BBS4: variants seen among roughly 807,000 people sequenced by gnomAD.
The protein encoded by BBS4 is Bardet-Biedl syndrome 4, also known as BBSome complex member BBS4.
Under a neutral mutation model 71.4 loss-of-function variants are expected in BBS4, and 58 were observed. The ratio of observed to expected loss-of-function variants is 0.81; its 90% confidence interval spans 0.66 to 1.01. The LOEUF (loss-of-function observed/expected upper bound fraction) is 1.01, where lower values mean the gene tolerates loss of function less well. Among genes scored for constraint, BBS4 ranks in the 50% least tolerant of loss-of-function variants. The pLI is 0.00. For synonymous variants in BBS4, 228 were observed against 216.8 expected, an observed-to-expected ratio of 1.05 and a Z score of -0.46; for missense variants, 660 against 607.9, an observed-to-expected ratio of 1.09 and a Z score of -0.90.
chr15:72,736,606 T>G (rs2065929169), intron 14 of BBS4, among the ~76,000 whole-genome samples, 156 bp from the exon 15 acceptor site: 1 of 152,232 alleles, frequency 6.6e-6, no homozygotes. Context: ...AAAGGCAATC[T>G]GTAATCTCTA....
chr15:72,719,545 A>G (rs2065528195), intron 6 of BBS4, among the ~76,000 whole-genome samples: 1 of 151,070 alleles, frequency 6.6e-6, no homozygotes, highest in Non-Finnish European at 1.5e-5. Flanking sequence ...TCAAAAAGCA[A>G]TTTTGAAGGA....
intron 15 of BBS4, 175 bp downstream of exon 15, chr15:72,737,138 C>T (rs1257788240): frequency 3.6e-5 from 28 of 771,860 alleles, no homozygotes; most frequent in East Asian, 5.3e-5. Context: ...TTCCTTAAGG[C>T]GAGCTATGTA....
intron 2 of BBS4, chr15:72,698,068 T>A (rs1028237924): frequency 1.8e-5 from 8 of 455,670 alleles, no homozygotes; most frequent in African/African-American, 1.6e-4. Context: ...CTTGAGTCTA[T>A]TTTCTTCCTT....
intron 2 of BBS4, among the ~76,000 whole-genome samples, chr15:72,700,729 A>C (rs993379268): frequency 6.6e-6 from 1 of 151,898 alleles, no homozygotes; most frequent in Non-Finnish European, 1.5e-5. Flanking sequence ...GTGTTTTACT[A>C]CTTTCATTTT....
chr15:72,736,904 C>CT lies in BBS4; in HGVS notation c.1392dup (p.Asn465Ter), dbSNP rs758574415. ...GCCAGTTTCCAGCAGCCTCTGGGCTCTAATCAAGCTCTAGGACAGGCAATG... is the reference window on the plus strand; with the variant it reads ...GCCAGTTTCCAGCAGCCTCTGGGCTCTTAATCAAGCTCTAGGACAGGCAATG... On this transcript the variant is annotated frameshift_variant, in exon 15 of 16. Transcript: ENST00000268057. LOFTEE classifies it high-confidence loss of function. 2 of 1,614,210 alleles carry CT rather than the reference C, an allele frequency of 1.2e-6. No individual in the cohort carries two copies. The highest frequency in any genetic ancestry group is 2.2e-5 in the South Asian group (2 of 91,084).
intron 1 of BBS4, chr15:72,686,657 C>T (rs2064849208): frequency 2.0e-6 from 2 of 989,470 alleles, no homozygotes; most frequent in South Asian, 2.7e-5. Context: ...TGCCTTCTGC[C>T]AGTGGAGCGG....
chr15:72,712,272 C>A lies in BBS4; in HGVS notation c.185C>A (p.Thr62Asn). 1.2e-6 allele frequency: 2 copies of A among 1,614,110 alleles called. No individual in the cohort carries two copies. The highest frequency in any genetic ancestry group is 1.7e-6 in the Non-Finnish European group (2 of 1,179,974). The part of the protein sequence containing the change: ...KAVIKEQLQE[T>N]QGLCEYAIYV... ...GTTATCAAAGAACAGCTTCAAGAGA[C>A]TCAGGGATTGTGTGAATATGCTATC... Residue 62 changes from threonine to asparagine, a missense_variant, in exon 4 of 16, where the codon ACT becomes AAT. Coordinates refer to ENST00000268057, the MANE Select transcript of BBS4 (RefSeq NM_033028.5).
rs372573159 is a variant in BBS4, at chr15:72,695,129, C to G, written c.25-48C>G. On this transcript the variant is annotated intron_variant, in intron 1 of 15. Coordinates refer to ENST00000268057, the MANE Select transcript of BBS4 (RefSeq NM_033028.5). ...TTATTTGGATGCTTCTTTAAGTTAG[C>G]AAGTTTATATTGTGGTGCTTCAATA... 17 of 1,348,910 alleles carry G rather than the reference C, an allele frequency of 1.3e-5. No homozygotes were observed. The African/African-American group carries it at 1.9e-4, about 15-fold the overall frequency. The allele number at this position is 1,348,910 out of a possible 1,614,324, so 83.6% of individuals were successfully genotyped here.
intron 10 of BBS4, among the ~76,000 whole-genome samples, chr15:72,731,065 C>CTTTTTTTTTTTTTTT (rs35004414): frequency 2.6e-5 from 2 of 77,636 alleles, no homozygotes; most frequent in Non-Finnish European, 4.8e-5. Context: ...AACATTTTAT[C>CTTTTTTTTTTTTTTT]TTTTTTTTTT....
At chr15:72,704,834 C>T (rs529491572) in intron 2 of BBS4, among the ~76,000 whole-genome samples, 1 of 150,462 alleles carries the variant, frequency 6.6e-6, no homozygotes, top group African/African-American at 2.4e-5. Context: ...GAGCTAAGAT[C>T]GCGCCACTGC....
chr15:72,709,838 G>A, intron 3 of BBS4, 59 bp downstream of exon 3: 2 of 1,374,606 alleles, frequency 1.5e-6, no homozygotes, highest in Non-Finnish European at 2.1e-6. Context: ...GCAACTAACA[G>A]TGCCTGCTAA....
chr15:72,729,694 G>C lies in BBS4; in HGVS notation c.711+10G>C. The C allele has an allele frequency of 6.2e-7, 1 of 1,613,068 alleles. No homozygotes were observed. The highest frequency in any genetic ancestry group is 8.5e-7 in the Non-Finnish European group (1 of 1,179,088). On this transcript the variant is annotated intron_variant, in intron 10 of 15. Coordinates refer to ENST00000268057, the MANE Select transcript of BBS4 (RefSeq NM_033028.5). Reference sequence around the variant, plus strand: ...CCCTACCAACTACAAGGTATTACAGGCTGTGAAGGCTCTGGCCTTCATATA... The same window carrying C: ...CCCTACCAACTACAAGGTATTACAGCCTGTGAAGGCTCTGGCCTTCATATA...
chr15:72,720,139 T>G (rs1182375484), intron 6 of BBS4, among the ~76,000 whole-genome samples: 2 of 151,170 alleles, frequency 1.3e-5, no homozygotes, highest in Non-Finnish European at 3.0e-5. Flanking sequence ...GAATTTTACT[T>G]TTATTAATAG....
intron 1 of BBS4, among the ~76,000 whole-genome samples, chr15:72,693,645 T>G (rs2065025165): frequency 6.6e-6 from 1 of 152,232 alleles, no homozygotes; most frequent in Non-Finnish European, 1.5e-5. Context: ...TTAAAAATTA[T>G]TATTTTTTGA....
intron 4 of BBS4, among the ~76,000 whole-genome samples, chr15:72,713,314 G>GACACACACACACACACACACAC (rs36072427): frequency 6.3e-5 from 9 of 143,442 alleles, no homozygotes; most frequent in Non-Finnish European, 6.1e-5. Context: ...AGGTCTTTGT[G>GACACACACACACACACACACAC]ACACACACAC....
At position 72,737,944 on chromosome 15, in the gene BBS4, AG is replaced by A. The variant is rs770305978; in HGVS notation, c.*359del. The A allele has an allele frequency of 2.4e-5, 11 of 455,478 alleles. No individual in the cohort carries two copies. Among genetic ancestry groups the A allele is most frequent in the Admixed American group, 4.7e-5 (2 of 42,586 alleles). The allele number at this position is 455,478 out of a possible 1,614,324, so 28.2% of individuals were successfully genotyped here. ...GCTGACTGACTCCTTCCTTAGTTCA[AG>A]GAACAGCTGAGACAGACCTCTGCTG... On this transcript the variant is annotated 3_prime_UTR_variant, in exon 16 of 16. Coordinates refer to ENST00000268057, the MANE Select transcript of BBS4 (RefSeq NM_033028.5).
chr15:72,726,784 G>C lies in BBS4; in HGVS notation c.588-1156G>C, dbSNP rs1397515019. On this transcript the variant is annotated intron_variant, in intron 8 of 15. Coordinates refer to ENST00000268057, the MANE Select transcript of BBS4 (RefSeq NM_033028.5). ...CTCTGTGGTGCTAGGTAGTAGCCCTGATCCCTGACCCCTGCCTTCTAGAGG... is the reference window on the plus strand; with the variant it reads ...CTCTGTGGTGCTAGGTAGTAGCCCTCATCCCTGACCCCTGCCTTCTAGAGG... Among the ~76,000 whole-genome samples the C allele has an allele frequency of 5.3e-5, 8 of 152,228 alleles. No homozygotes were observed. In the East Asian group the frequency reaches 1.5e-3, roughly 29 times the overall value.
At position 72,695,231 on chromosome 15, in the gene BBS4, C is replaced by G; in HGVS notation, c.76+3C>G. 6.3e-7 allele frequency: 1 copy of G among 1,580,148 alleles called. No homozygotes were observed. Among genetic ancestry groups the G allele is most frequent in the Non-Finnish European group, 8.7e-7 (1 of 1,149,448 alleles). On this transcript the variant is annotated splice_donor_region_variant and intron_variant, in intron 2 of 15. Transcript: ENST00000268057. ...TCAAAAACCCCGGCAGAAAAAAGGT[C>G]TGTATGCAGTTTCATGGTATGTGTA...
At chr15:72,686,305 G>A (rs749834367) in intron 1 of BBS4, 54 bp downstream of exon 1, 87 of 1,551,684 alleles carry the variant, frequency 5.6e-5, no homozygotes, top group Non-Finnish European at 7.1e-5. Flanking sequence ...GCAAGCTGGC[G>A]GGTGGCTTTT....
Sources: gnomAD v4.1 joint callset for allele counts (sites outside exome capture counted in the v4.1 genomes callset) on GRCh38, gnomAD v4.1.1 for gene constraint, MANE v1.5 for transcripts, NCBI Gene and HGNC (gene_info 2026-07-23, HGNC 2026-07-21) for gene names.